GPR135: variants seen among roughly 807,000 people sequenced by gnomAD.
The protein encoded by GPR135 is G-protein coupled receptor 135.
GPR135 carries 17 observed loss-of-function variants against 15.0 expected under a neutral mutation model. That is an observed-to-expected ratio of 1.13 (90% CI 0.78 to 1.70). GPR135 has a LOEUF of 1.70. Among genes scored for constraint, GPR135 ranks in the 40% most tolerant of loss-of-function variants. GPR135 has a pLI of 0.00. For synonymous variants in GPR135, 368 were observed against 349.4 expected (o/e 1.05, Z -0.59); for missense variants, 776 against 727.0 (o/e 1.07, Z -0.78).
At chr14:59,457,401 AC>A (rs1888692383), downstream of GPR135, among the ~76,000 whole-genome samples, 1 of 152,162 alleles carries the variant, frequency 6.6e-6, no homozygotes, top group Non-Finnish European at 1.5e-5. Flanking sequence ...TTCTTCAAAT[AC>A]TTTTTCTGCT....
At position 59,462,756 on chromosome 14, in the gene GPR135, T is replaced by C. The variant is rs937560978; in HGVS notation, c.*986A>G. The C allele has an allele frequency of 3.3e-5, 5 of 152,224 alleles. No individual in the cohort carries two copies. The highest frequency in any genetic ancestry group is 7.3e-5 in the Non-Finnish European group (5 of 68,042). 9.4% of individuals were successfully genotyped at this position (152,224 alleles called of 1,614,324 possible). A position where few individuals can be genotyped will look rare whatever the true frequency, so the allele number is the denominator to read the frequency against. ...TAGGAAACCCAACCTTGTTGTTTTA[T>C]AGAGGTCTCATTTTAAAAAATAATA... On this transcript the variant is annotated 3_prime_UTR_variant, in exon 1 of 1. Transcript: ENST00000395116.
rs751817867 is a variant in GPR135 at position 59,464,645 on chromosome 14, G to A, written c.582C>T (p.Phe194=). 3 of 1,597,170 alleles carry A rather than the reference G, an allele frequency of 1.9e-6. No homozygotes were observed. Among genetic ancestry groups the A allele is most frequent in the Non-Finnish European group, 2.5e-6 (3 of 1,177,718 alleles). ...CAASRFFSSC[F]GIVSTLSVAL... Reference sequence around the variant, plus strand: ...CCACGCTGAGCGTGGACACGATGCCGAAGCACGAGCTGAAGAAGCGGCTGG... The same window carrying A: ...CCACGCTGAGCGTGGACACGATGCCAAAGCACGAGCTGAAGAAGCGGCTGG... The change falls in exon 1 of 1, where the codon TTC becomes TTT. Residue 194 remains phenylalanine (F), a synonymous_variant. Transcript: ENST00000395116.
downstream of GPR135, among the ~76,000 whole-genome samples, chr14:59,459,541 T>C (rs1489009968): frequency 1.3e-5 from 2 of 152,378 alleles, no homozygotes; most frequent in East Asian, 3.9e-4. Context: ...TGAGGACTTA[T>C]GTTCACCAAT....
Position 59,463,888 on chromosome 14 carries a change from A to C in GPR135, c.1339T>G (p.Ser447Ala). 1 of 1,614,088 alleles carries C rather than the reference A, an allele frequency of 6.2e-7. No homozygotes were observed. Among genetic ancestry groups the C allele is most frequent in the Non-Finnish European group, 8.5e-7 (1 of 1,179,974 alleles). The change falls in exon 1 of 1, where the codon TCC becomes GCC. Residue 447 changes from serine to alanine, a missense_variant. Ser to Ala is a moderately conservative substitution (Grantham distance 99). Coordinates refer to ENST00000395116, the MANE Select transcript of GPR135 (RefSeq NM_022571.6). ...CCTGCCACTCCGCTGGCCGGGTTGG[A>C]AGAGGACATCCTGTTGCAGGCCCCC... ...RLGACNRMSS[S>A]NPASGVAGDV... is the part of the protein sequence containing the mutation.
chr14:59,464,972 C>A lies in GPR135; in HGVS notation c.255G>T (p.Val85=). ...SGAAREAGAA[V]RRPLGPEAAP... is the part of the protein sequence containing the mutation. Reference sequence around the variant, plus strand: ...CCGCCTCCGGGCCTAGCGGCCGCCTCACCGCCGCCCCCGCCTCCCGCGCTG... The same window carrying A: ...CCGCCTCCGGGCCTAGCGGCCGCCTAACCGCCGCCCCCGCCTCCCGCGCTG... The change falls in exon 1 of 1, where the codon GTG becomes GTT. Residue 85 remains valine, a synonymous_variant. Transcript: ENST00000395116. 2 of 1,478,508 alleles carry A rather than the reference C, an allele frequency of 1.4e-6. No homozygotes were observed. Among genetic ancestry groups the A allele is most frequent in the Non-Finnish European group, 8.9e-7 (1 of 1,119,284 alleles). 91.6% of individuals were successfully genotyped at this position (1,478,508 alleles called of 1,614,324 possible).
intron 6 of GPR135, among the ~76,000 whole-genome samples, chr14:59,453,536 C>T (rs1888558384): frequency 6.6e-6 from 1 of 152,188 alleles, no homozygotes; most frequent in Non-Finnish European, 1.5e-5. Flanking sequence ...CAGAGTAACA[C>T]AGAGACCATA....
Position 59,453,990 on chromosome 14 carries a change from G to C in GPR135, c.*874+1694C>G, listed in dbSNP as rs565758002. On this transcript the variant is annotated intron_variant and NMD_transcript_variant, in intron 6 of 6. Transcript: ENST00000481661. ...ACCAGGACAAGAACATTTCCAAAAGGGAAGTGGGGCCAACTATGATGTGAT... is the reference window on the plus strand; with the variant it reads ...ACCAGGACAAGAACATTTCCAAAAGCGAAGTGGGGCCAACTATGATGTGAT... 4.6e-5 allele frequency among the ~76,000 whole-genome samples: 7 copies of C among 152,220 alleles called. No homozygotes were observed. The East Asian group carries it at 1.4e-3, about 29-fold the overall frequency.
chr14:59,464,819 G>A lies in GPR135; in HGVS notation c.408C>T (p.Thr136=), dbSNP rs1277765233. ...GCGACAGGATGAAGGCGTTGGTGAC[G>A]GTGCGGAGCTGCCGGTGCTTCACAA... ...GVIVKHRQLR[T]VTNAFILSLS... is the part of the protein sequence containing the mutation. Residue 136 remains threonine (T), a synonymous_variant, in exon 1 of 1, where the codon ACC becomes ACT. Transcript: ENST00000395116. 2 of 1,585,014 alleles carry A rather than the reference G, an allele frequency of 1.3e-6. No individual in the cohort carries two copies. Among genetic ancestry groups the A allele is most frequent in the Non-Finnish European group, 1.7e-6 (2 of 1,165,696 alleles).
chr14:59,462,745 T>C lies in GPR135; in HGVS notation c.*997A>G, dbSNP rs1283650933. The C allele has an allele frequency of 1.3e-5, 2 of 152,204 alleles. No individual in the cohort carries two copies. Among genetic ancestry groups the C allele is most frequent in the Non-Finnish European group, 2.9e-5 (2 of 68,036 alleles). The allele number at this position is 152,204 out of a possible 1,614,324, so 9.4% of individuals were successfully genotyped here. On this transcript the variant is annotated 3_prime_UTR_variant, in exon 1 of 1. Coordinates refer to ENST00000395116, the MANE Select transcript of GPR135 (RefSeq NM_022571.6). ...TAAAAGCCACGTAGGAAACCCAACC[T>C]TGTTGTTTTATAGAGGTCTCATTTT...
rs768380689 is a variant in GPR135, at chr14:59,463,977, C to A, written c.1250G>T (p.Ser417Ile). Residue 417 changes from serine to isoleucine, a missense_variant, in exon 1 of 1, where the codon AGC becomes ATC. Physicochemically the swap from Ser to Ile is moderately radical, Grantham distance 142. Coordinates refer to ENST00000395116, the MANE Select transcript of GPR135 (RefSeq NM_022571.6). Reference sequence around the variant, plus strand: ...TCTGGCTTGCAGACCCGGGCCCTGGCTGGGCAGGAAAGCGTCCACATTCCT... The same window carrying A: ...TCTGGCTTGCAGACCCGGGCCCTGGATGGGCAGGAAAGCGTCCACATTCCT... ...RTRNVDAFLP[S>I]QGPGLQARSR... is the part of the protein sequence containing the mutation. The A allele has an allele frequency of 3.7e-6, 6 of 1,614,038 alleles. No individual in the cohort carries two copies. In the Admixed American group the frequency reaches 1.0e-4, roughly 27 times the overall value.
chr14:59,465,049 C>A lies in GPR135; in HGVS notation c.178G>T (p.Gly60Ter). Residue 60 changes from glycine (G) to a stop codon, truncating the protein, a stop_gained, in exon 1 of 1, where the codon GGA becomes TGA. Transcript: ENST00000395116. LOFTEE classifies it high-confidence loss of function. ...CCGGGAGCGGCAGCTGTGCCGCCTC[C>A]GCTTGCGTCGCTCAGGTTCCCCAGC... is the stretch of plus-strand genomic sequence containing the variant. ...AALGNLSDAS[G>*]GGTAAAPGGG... The A allele has an allele frequency of 7.4e-7, 1 of 1,352,878 alleles. No individual in the cohort carries two copies. The highest frequency in any genetic ancestry group is 9.5e-7 in the Non-Finnish European group (1 of 1,055,190). The allele number at this position is 1,352,878 out of a possible 1,614,324, so 83.8% of individuals were successfully genotyped here.
downstream of GPR135, among the ~76,000 whole-genome samples, chr14:59,456,187 T>C (rs1566544900): frequency 1.3e-5 from 2 of 152,106 alleles, no homozygotes; most frequent in Non-Finnish European, 2.9e-5. Context: ...TGCTCTTTCC[T>C]TGACTTGTTG....
chr14:59,457,893 A>G (rs533719974), downstream of GPR135, among the ~76,000 whole-genome samples: 10 of 152,064 alleles, frequency 6.6e-5, no homozygotes, highest in South Asian at 1.5e-3. Flanking sequence ...CATGTCTCAT[A>G]TATTTATTGC....
rs1888990397 is a variant in GPR135 at position 59,464,161 on chromosome 14, CGGCGGCCAGCAGCACCAGGAAGCAGTAG to C, written c.1038_1065del (p.Tyr347ProfsTer20). 1 of 1,608,528 alleles carries C rather than the reference CGGCGGCCAGCAGCACCAGGAAGCAGTAG, an allele frequency of 6.2e-7. No homozygotes were observed. Among genetic ancestry groups the C allele is most frequent in the Non-Finnish European group, 8.5e-7 (1 of 1,179,704 alleles). ...GCCTGCATGGTCTGGGCCTGCCGGGCGGCGGCCAGCAGCACCAGGAAGCAGTAGGGCCCCCAGCAGCAGATGACGAAGA... is the reference window on the plus strand; with the variant it reads ...GCCTGCATGGTCTGGGCCTGCCGGGCGGCCCCCAGCAGCAGATGACGAAGA... On this transcript the variant is annotated frameshift_variant, in exon 1 of 1. Coordinates refer to ENST00000395116, the MANE Select transcript of GPR135 (RefSeq NM_022571.6). LOFTEE classifies it high-confidence loss of function.
chr14:59,457,994 TC>T (rs376536431), downstream of GPR135, among the ~76,000 whole-genome samples: 72 of 152,342 alleles, frequency 4.7e-4, no homozygotes, highest in East Asian at 8.9e-3. Flanking sequence ...CTGTAGCAGC[TC>T]CAGATACACG....
Position 59,464,581 on chromosome 14 carries a change from G to T in GPR135, c.646C>A (p.Pro216Thr). Residue 216 changes from proline to threonine, a missense_variant, in exon 1 of 1, where the codon CCG becomes ACG. By Grantham distance (38) the Pro-to-Thr change is conservative. Coordinates refer to ENST00000395116, the MANE Select transcript of GPR135 (RefSeq NM_022571.6). The stretch of plus-strand genomic sequence containing the variant: ...CGGCGGCCGATCTTCTCCCGCGGCG[G>T]CCGCACGATAGCGCAGTAACGGTCC... The part of the protein sequence containing the change: ...SLDRYCAIVR[P>T]PREKIGRRRA... 5 of 1,579,776 alleles carry T rather than the reference G, an allele frequency of 3.2e-6. 1 individual carries two copies. The South Asian group carries it at 5.6e-5, about 18-fold the overall frequency.
Position 59,464,010 on chromosome 14 carries a change from T to TAGCCCTC in GPR135, c.1210_1216dup (p.Tyr406Ter), listed in dbSNP as rs1888977396. On this transcript the variant is annotated stop_gained and frameshift_variant, in exon 1 of 1. Coordinates refer to ENST00000395116, the MANE Select transcript of GPR135 (RefSeq NM_022571.6). LOFTEE classifies it low-confidence loss of function (END_TRUNC). Reference sequence around the variant, plus strand: ...GAAAGCGTCCACATTCCTAGTCCGGTAGCCCTCCTCGCGGTTGCGCCCTAG... The same window carrying TAGCCCTC: ...GAAAGCGTCCACATTCCTAGTCCGGTAGCCCTCAGCCCTCCTCGCGGTTGCGCCCTAG... 4.3e-6 allele frequency: 7 copies of TAGCCCTC among 1,613,884 alleles called. No homozygotes were observed. The highest frequency in any genetic ancestry group is 5.9e-6 in the Non-Finnish European group (7 of 1,180,034).
chr14:59,452,962 G>GA (rs1212608088), intron 6 of GPR135, among the ~76,000 whole-genome samples: 1 of 152,036 alleles, frequency 6.6e-6, no homozygotes, highest in African/African-American at 2.4e-5. Context: ...ATTACTAAGC[G>GA]AAAAAAGCCA....
At chr14:59,458,200 C>T (rs1217692289), downstream of GPR135, among the ~76,000 whole-genome samples, 5 of 152,176 alleles carry the variant, frequency 3.3e-5, no homozygotes, top group Non-Finnish European at 5.9e-5. Flanking sequence ...GTTTGACTGC[C>T]TCTTTTCCTG....
Sources: gnomAD v4.1 joint callset for allele counts (sites outside exome capture counted in the v4.1 genomes callset) on GRCh38, gnomAD v4.1.1 for gene constraint, MANE v1.5 for transcripts, NCBI Gene and HGNC (gene_info 2026-07-23, HGNC 2026-07-21) for gene names.